Variants in CCSER1 observed in about 807,000 individuals in gnomAD.
CCSER1 encodes serine-rich coiled-coil domain-containing protein 1.
In CCSER1, 41 loss-of-function variants were observed where a neutral mutation model predicts 82.0. The ratio of observed to expected loss-of-function variants is 0.50; its 90% CI spans 0.39 to 0.65. The LOEUF (loss-of-function observed/expected upper bound fraction) is 0.65, where lower values mean the gene tolerates loss of function less well. Among genes scored for constraint, CCSER1 ranks in the 30% least tolerant of loss-of-function variants. The probability of loss-of-function intolerance (pLI) is 0.00; values close to 1 mark genes in which losing one functional copy is unlikely to be tolerated. For missense variants in CCSER1, 1,119 were observed against 1,064.2 expected (o/e 1.05, Z -0.72); for synonymous variants, 414 against 383.9 (o/e 1.08, Z -0.92).
intron 10 of CCSER1, among the ~76,000 whole-genome samples, chr4:91,233,416 G>C (rs1738772702): frequency 6.6e-6 from 1 of 151,886 alleles, no homozygotes; most frequent in African/African-American, 2.4e-5. Flanking sequence ...TTCAAGAAGA[G>C]TCACTGAGTG....
At chr4:90,616,737 A>AAAT (rs1560820011) in intron 5 of CCSER1, among the ~76,000 whole-genome samples, 21 of 71,244 alleles carry the variant, frequency 2.9e-4, no homozygotes, top group African/African-American at 1.7e-3. Context: ...ACACACACAC[A>AAAT]CAAATAAAAT....
chr4:90,682,659 T>C (rs1012527249), intron 6 of CCSER1, among the ~76,000 whole-genome samples: 15 of 152,112 alleles, frequency 9.9e-5, no homozygotes, highest in African/African-American at 3.6e-4. Context: ...CAATCTTTCC[T>C]GTGCCTTGAC....
intron 1 of CCSER1, among the ~76,000 whole-genome samples, chr4:90,266,241 A>G (rs1286976540): frequency 6.6e-6 from 1 of 152,064 alleles, no homozygotes; most frequent in African/African-American, 2.4e-5. Context: ...CAACTAACCT[A>G]CCTTTCCTTT....
At chr4:91,433,114 T>C (rs1754426774) in intron 10 of CCSER1, among the ~76,000 whole-genome samples, 1 of 152,214 alleles carries the variant, frequency 6.6e-6, no homozygotes, top group South Asian at 2.1e-4. Flanking sequence ...TTACCAGTTA[T>C]AATTTTTAGT....
intron 9 of CCSER1, among the ~76,000 whole-genome samples, chr4:91,020,965 T>C (rs1039035359): frequency 1.3e-5 from 2 of 152,180 alleles, no homozygotes; most frequent in African/African-American, 2.4e-5. Flanking sequence ...AGCTACTAGC[T>C]ACATTCCTTT....
chr4:90,639,998 G>A (rs1726188492), intron 6 of CCSER1, among the ~76,000 whole-genome samples: 1 of 151,970 alleles, frequency 6.6e-6, no homozygotes, highest in South Asian at 2.1e-4. Context: ...TGTCCAGGGA[G>A]CTAGGAAGAA....
chr4:90,867,596 T>C (rs912833398), intron 8 of CCSER1, among the ~76,000 whole-genome samples: 1 of 152,006 alleles, frequency 6.6e-6, no homozygotes, highest in Non-Finnish European at 1.5e-5. Context: ...TATTATTGAT[T>C]GCACTCACCC....
intron 3 of CCSER1, among the ~76,000 whole-genome samples, chr4:90,376,941 A>T (rs1748425172): frequency 6.6e-6 from 1 of 152,180 alleles, no homozygotes; most frequent in African/African-American, 2.4e-5. Flanking sequence ...GGTTACTGCC[A>T]GTCATCAAAG....
intron 9 of CCSER1, among the ~76,000 whole-genome samples, chr4:91,009,258 C>A (rs568307184): frequency 6.6e-6 from 1 of 152,292 alleles, no homozygotes; most frequent in South Asian, 2.1e-4. Flanking sequence ...AGGGAGGGGA[C>A]CCAAAGAGGG....
At position 91,054,804 on chromosome 4, in the gene CCSER1, C is replaced by T. The variant is rs75285372; in HGVS notation, c.2173-31146C>T. 8.6e-3 allele frequency among the ~76,000 whole-genome samples: 1,316 copies of T among 152,164 alleles called. 21 individuals carry two copies. Among genetic ancestry groups the T allele is most frequent in the African/African-American group, 0.031 (1,268 of 41,514 alleles). ...AATTTTGAAATCTAAAATTTGAATG[C>T]TCCAATTAGCATTCCCTTTGAACAG... On this transcript the variant is annotated intron_variant, in intron 9 of 10. Coordinates refer to ENST00000509176, the MANE Select transcript of CCSER1 (RefSeq NM_001145065.2).
chr4:90,259,359 T>A (rs969287816), intron 1 of CCSER1, among the ~76,000 whole-genome samples: 1 of 152,114 alleles, frequency 6.6e-6, no homozygotes, highest in Non-Finnish European at 1.5e-5. Context: ...CAGATCTAGG[T>A]GCCTTTTGGA....
intron 8 of CCSER1, among the ~76,000 whole-genome samples, chr4:90,820,561 G>T (rs945776233): frequency 2.6e-5 from 4 of 152,056 alleles, no homozygotes; most frequent in Non-Finnish European, 5.9e-5. Flanking sequence ...GCCTTCACGA[G>T]CTAAACATCT....
At chr4:91,228,218 A>G (rs1738358356) in intron 10 of CCSER1, among the ~76,000 whole-genome samples, 1 of 152,118 alleles carries the variant, frequency 6.6e-6, no homozygotes, top group Non-Finnish European at 1.5e-5. Flanking sequence ...TCGGTTTCTT[A>G]AAGTACAATT....
At chr4:90,932,819 C>T (rs1238407994) in intron 9 of CCSER1, among the ~76,000 whole-genome samples, 2 of 110,762 alleles carry the variant, frequency 1.8e-5, no homozygotes, top group African/African-American at 7.2e-5. Flanking sequence ...CAGAGCAAGA[C>T]TCCGTCTCCA....
intron 10 of CCSER1, among the ~76,000 whole-genome samples, chr4:91,196,335 A>G (rs552883185): frequency 1.3e-5 from 2 of 152,196 alleles, no homozygotes. Context: ...AACTTAAGAG[A>G]CACTCTTCTT....
intron 1 of CCSER1, among the ~76,000 whole-genome samples, chr4:90,150,767 C>T (rs144388228): frequency 6.6e-6 from 1 of 152,212 alleles, no homozygotes; most frequent in Non-Finnish European, 1.5e-5. Context: ...ATAGAAAACA[C>T]ATTTGAAGCT....
At chr4:91,150,820 C>G (rs927301906) in intron 10 of CCSER1, among the ~76,000 whole-genome samples, 1 of 152,120 alleles carries the variant, frequency 6.6e-6, no homozygotes, top group South Asian at 2.1e-4. Context: ...GAGATGAAGC[C>G]CACTTGATCA....
chr4:90,408,301 G>A (rs1003498013), intron 4 of CCSER1, among the ~76,000 whole-genome samples: 5 of 152,174 alleles, frequency 3.3e-5, no homozygotes, highest in Non-Finnish European at 7.3e-5. Flanking sequence ...CTCCCAGCAC[G>A]CAGCTTGAGA....
chr4:91,338,514 A>G (rs1329934264), intron 10 of CCSER1, among the ~76,000 whole-genome samples: 6 of 152,152 alleles, frequency 3.9e-5, no homozygotes, highest in Non-Finnish European at 7.4e-5. Flanking sequence ...AATTTAATAC[A>G]TGGGTTACAC....
Sources: gnomAD v4.1 joint callset for allele counts (sites outside exome capture counted in the v4.1 genomes callset) on GRCh38, gnomAD v4.1.1 for gene constraint, MANE v1.5 for transcripts, NCBI Gene and HGNC (gene_info 2026-07-23, HGNC 2026-07-21) for gene names.